Variants in SGTB observed in about 807,000 individuals in gnomAD.
SGTB encodes small glutamine-rich tetratricopeptide repeat-containing protein beta.
Under a neutral mutation model 43.9 loss-of-function variants are expected in SGTB, and 19 were observed. The ratio of observed to expected loss-of-function variants is 0.43; its 90% CI spans 0.30 to 0.63. The LOEUF is 0.63. SGTB is among the 30% of genes least tolerant of loss of function. SGTB has a pLI of 0.12. For missense variants in SGTB, 304 were observed against 358.9 expected (o/e 0.85, Z 1.24); for synonymous variants, 116 against 117.3 (o/e 0.99, Z 0.07).
chr5:65,695,611 T>C (rs1272913332), intron 5 of SGTB, among the ~76,000 whole-genome samples: 1 of 152,212 alleles, frequency 6.6e-6, no homozygotes, highest in East Asian at 1.9e-4. Context: ...GTCACATGTT[T>C]CCAGGCACCC....
chr5:65,677,914 C>T (rs1757314585), intron 8 of SGTB, among the ~76,000 whole-genome samples: 1 of 152,106 alleles, frequency 6.6e-6, no homozygotes, highest in Non-Finnish European at 1.5e-5. Flanking sequence ...TGGAAGTGTT[C>T]CCCTTGAAAA....
intron 6 of SGTB, among the ~76,000 whole-genome samples, chr5:65,683,845 C>A (rs1368842787): frequency 6.6e-6 from 1 of 151,476 alleles, no homozygotes; most frequent in African/African-American, 2.4e-5. Flanking sequence ...ACTCGGGAGG[C>A]TGAGACAGGA....
intron 4 of SGTB, among the ~76,000 whole-genome samples, chr5:65,706,470 T>C (rs1757935445): frequency 6.6e-6 from 1 of 152,146 alleles, no homozygotes; most frequent in African/African-American, 2.4e-5. Flanking sequence ...CCACAAATAT[T>C]ATACACATAT....
intron 5 of SGTB, among the ~76,000 whole-genome samples, chr5:65,699,715 T>C (rs62367749): frequency 6.6e-6 from 1 of 152,180 alleles, no homozygotes; most frequent in African/African-American, 2.4e-5. Flanking sequence ...GCCTCAGCCT[T>C]CCAAAGTGCT....
intron 5 of SGTB, among the ~76,000 whole-genome samples, chr5:65,697,128 C>T (rs966957703): frequency 6.6e-6 from 1 of 152,066 alleles, no homozygotes; most frequent in African/African-American, 2.4e-5. Flanking sequence ...ATATTTATAG[C>T]TACTAGAGTC....
intron 3 of SGTB, among the ~76,000 whole-genome samples, chr5:65,709,882 G>A (rs759513916): frequency 2.6e-5 from 4 of 152,150 alleles, no homozygotes; most frequent in Non-Finnish European, 4.4e-5. Context: ...TTATAGGCAT[G>A]AGCCACCATG....
At chr5:65,714,617 C>A (rs1183966305) in intron 2 of SGTB, among the ~76,000 whole-genome samples, 1 of 152,118 alleles carries the variant, frequency 6.6e-6, no homozygotes, top group African/African-American at 2.4e-5. Flanking sequence ...GAGTTCAAGA[C>A]CAGCCTGGCC....
intron 3 of SGTB, among the ~76,000 whole-genome samples, chr5:65,711,359 GAA>G (rs758998393): frequency 1.4e-5 from 2 of 141,192 alleles, no homozygotes; most frequent in African/African-American, 2.6e-5. Context: ...TCCTGAGAAG[GAA>G]AAAAAAAAAA....
At position 65,713,065 on chromosome 5, in the gene SGTB, C is replaced by A. The variant is rs1214128937; in HGVS notation, c.101-1G>T. 6.3e-7 allele frequency: 1 copy of A among 1,598,936 alleles called. No homozygotes were observed. On this transcript the variant is annotated splice_acceptor_variant, in intron 2 of 10. Transcript: ENST00000381007. LOFTEE classifies it high-confidence loss of function. ...ACTGTCTCCAAGCACTGAATTGCAACTTGAAATAAATTTTAATAGTAAAAA... is the reference window on the plus strand; with the variant it reads ...ACTGTCTCCAAGCACTGAATTGCAAATTGAAATAAATTTTAATAGTAAAAA...
At chr5:65,672,101 G>A in intron 9 of SGTB, 103 bp from the exon 10 acceptor site, 2 of 1,567,460 alleles carry the variant, frequency 1.3e-6, no homozygotes, top group Non-Finnish European at 1.8e-6. Flanking sequence ...TATACCAGAG[G>A]CTAGGCCAAA....
chr5:65,707,623 C>T lies in SGTB; in HGVS notation c.274+866G>A, dbSNP rs376846427. Among the ~76,000 whole-genome samples the T allele has an allele frequency of 2.6e-5, 4 of 151,794 alleles. No individual in the cohort carries two copies. In the East Asian group the frequency reaches 5.8e-4, roughly 22 times the overall value. ...CTAATTTTTGTATTTTTAGTAGAGACGGGGTTTCACCGAGTTGGCCAGGAT... is the reference window on the plus strand; with the variant it reads ...CTAATTTTTGTATTTTTAGTAGAGATGGGGTTTCACCGAGTTGGCCAGGAT... On this transcript the variant is annotated intron_variant, in intron 4 of 10. Transcript: ENST00000381007.
At chr5:65,715,465 G>A (rs1335944968) in intron 2 of SGTB, among the ~76,000 whole-genome samples, 2 of 152,144 alleles carry the variant, frequency 1.3e-5, no homozygotes, top group Admixed American at 6.5e-5. Flanking sequence ...TATATTGGCT[G>A]CAAGGAAGGC....
rs909628555 is a variant in SGTB at position 65,721,946 on chromosome 5, T to C, written c.-52A>G. ...CAGGAGGACGCGAGACGACTGCTGC[T>C]GGCCCGCGGGGTTCCGTAGGCAGGC... On this transcript the variant is annotated 5_prime_UTR_variant, in exon 1 of 11. Coordinates refer to ENST00000381007, the MANE Select transcript of SGTB (RefSeq NM_019072.3). 6.6e-6 allele frequency: 1 copy of C among 152,282 alleles called. No homozygotes were observed. Among genetic ancestry groups the C allele is most frequent in the African/African-American group, 2.4e-5 (1 of 41,440 alleles). The allele number at this position is 152,282 out of a possible 1,614,324, so 9.4% of individuals were successfully genotyped here.
At chr5:65,722,346 C>A, upstream of SGTB, 6 of 1,539,762 alleles carry the variant, frequency 3.9e-6, no homozygotes, top group Non-Finnish European at 5.2e-6. Flanking sequence ...GACCACGCGC[C>A]CGCCGCCGCC....
At chr5:65,689,996 C>T (rs1757574913) in intron 5 of SGTB, among the ~76,000 whole-genome samples, 1 of 145,980 alleles carries the variant, frequency 6.9e-6, no homozygotes, top group Non-Finnish European at 1.5e-5. Flanking sequence ...CAACTTAATA[C>T]TCAATACAAA....
chr5:65,671,417 A>C (rs1214956175), intron 10 of SGTB, among the ~76,000 whole-genome samples: 1 of 152,114 alleles, frequency 6.6e-6, no homozygotes, highest in Non-Finnish European at 1.5e-5. Context: ...CAACACAATC[A>C]AGTAAAATTA....
chr5:65,685,279 A>T (rs1757477366), intron 6 of SGTB, 89 bp downstream of exon 6: 1 of 1,103,444 alleles, frequency 9.1e-7, no homozygotes, highest in Non-Finnish European at 1.4e-6. Flanking sequence ...AGAGGGTAAA[A>T]CATTAAGCAG....
chr5:65,720,741 T>C lies in SGTB; in HGVS notation c.67A>G (p.Thr23Ala). 6.2e-7 allele frequency: 1 copy of C among 1,614,018 alleles called. No individual in the cohort carries two copies. The highest frequency in any genetic ancestry group is 8.5e-7 in the Non-Finnish European group (1 of 1,179,958). The part of the protein sequence containing the change: ...RFLREQSQMD[T>A]YTSDEQESLE... The stretch of plus-strand genomic sequence containing the variant: ...CTTTCTTGTTCATCCGAGGTGTAAG[T>C]GTCCATCTGACTTTGTTCCCGTAAG... The change falls in exon 2 of 11, where the codon ACT (threonine) becomes GCT (alanine). Residue 23 changes from threonine (T) to alanine (A), a missense_variant. Coordinates refer to ENST00000381007, the MANE Select transcript of SGTB (RefSeq NM_019072.3).
chr5:65,714,670 C>T (rs1261123144), intron 2 of SGTB, among the ~76,000 whole-genome samples: 2 of 152,106 alleles, frequency 1.3e-5, no homozygotes, highest in Non-Finnish European at 1.5e-5. Flanking sequence ...TAAAAATTAG[C>T]CAGATGTGAT....
Sources: gnomAD v4.1 joint callset for allele counts (sites outside exome capture counted in the v4.1 genomes callset) on GRCh38, gnomAD v4.1.1 for gene constraint, MANE v1.5 for transcripts, NCBI Gene and HGNC (gene_info 2026-07-23, HGNC 2026-07-21) for gene names.